KDM4C: variants seen among roughly 807,000 people sequenced by gnomAD.
The protein encoded by KDM4C is lysine-specific demethylase 4C.
Under a neutral mutation model 129.3 loss-of-function variants are expected in KDM4C, and 81 were observed. That is an observed-to-expected ratio of 0.63 (90% CI 0.52 to 0.75). The LOEUF (loss-of-function observed/expected upper bound fraction) is 0.75, where lower values mean the gene tolerates loss of function less well. Among genes scored for constraint, KDM4C ranks in the 30% least tolerant of loss-of-function variants. The probability of loss-of-function intolerance (pLI) is 0.00; values close to 1 mark genes in which losing one functional copy is unlikely to be tolerated. For missense variants in KDM4C, 1,457 were observed against 1,304.0 expected, an observed-to-expected ratio of 1.12 and a Z score of -1.81; for synonymous variants, 573 against 456.1, an observed-to-expected ratio of 1.26 and a Z score of -3.26.
rs551885236 is a variant in KDM4C at position 6,913,144 on chromosome 9, A to G, written c.921+19912A>G. Among the ~76,000 whole-genome samples, 11 of 152,356 alleles carry G rather than the reference A, an allele frequency of 7.2e-5. No individual in the cohort carries two copies. The East Asian group carries it at 1.5e-3, about 21-fold the overall frequency. ...TAGTTCTGTGTTTGCAGCTAAACAAATAAAGCACTAGTACTTATTCTGGGA... is the reference window on the plus strand; with the variant it reads ...TAGTTCTGTGTTTGCAGCTAAACAAGTAAAGCACTAGTACTTATTCTGGGA... On this transcript the variant is annotated intron_variant, in intron 8 of 21. Transcript: ENST00000381309.
intron 12 of KDM4C, among the ~76,000 whole-genome samples, chr9:7,006,391 T>C (rs1821677425): frequency 6.6e-6 from 1 of 152,120 alleles, no homozygotes; most frequent in African/African-American, 2.4e-5. Flanking sequence ...GCATCAGAGG[T>C]GATACTGATT....
At chr9:6,943,740 A>T (rs916695243) in intron 8 of KDM4C, among the ~76,000 whole-genome samples, 1 of 152,196 alleles carries the variant, frequency 6.6e-6, no homozygotes, top group Non-Finnish European at 1.5e-5. Flanking sequence ...GTCTGCTGCT[A>T]TAGAATACTT....
chr9:7,142,100 AAAAAT>A (rs2129898830), intron 19 of KDM4C, among the ~76,000 whole-genome samples: 2 of 152,346 alleles, frequency 1.3e-5, no homozygotes, highest in South Asian at 4.1e-4. Flanking sequence ...TGGCTGTTTT[AAAAAT>A]AAATAAATAA....
intron 17 of KDM4C, among the ~76,000 whole-genome samples, chr9:7,079,281 AT>A (rs1267244598): frequency 6.6e-6 from 1 of 152,226 alleles, no homozygotes; most frequent in East Asian, 1.9e-4. Flanking sequence ...GAAGTAAAGA[AT>A]AGCCCCATTA....
At chr9:6,799,239 C>A (rs978040790) in intron 2 of KDM4C, among the ~76,000 whole-genome samples, 2 of 151,992 alleles carry the variant, frequency 1.3e-5, no homozygotes, top group African/African-American at 4.8e-5. Flanking sequence ...GTTGTAGCGA[C>A]GCGAGATCAC....
At position 7,094,494 on chromosome 9, in the gene KDM4C, G is replaced by A. The variant is rs573538814; in HGVS notation, c.2425-9191G>A. 2.6e-5 allele frequency among the ~76,000 whole-genome samples: 4 copies of A among 152,226 alleles called. No homozygotes were observed. The East Asian group carries it at 5.8e-4, about 22-fold the overall frequency. On this transcript the variant is annotated intron_variant, in intron 17 of 21. Coordinates refer to ENST00000381309, the MANE Select transcript of KDM4C (RefSeq NM_015061.6). ...CCCAAATTTATCTCATCTAGAAGAC[G>A]AATCTACAAACTCACTGCTGCGTGA... is the stretch of plus-strand genomic sequence containing the variant.
chr9:6,895,394 C>A (rs765957929), intron 8 of KDM4C, among the ~76,000 whole-genome samples: 1 of 152,158 alleles, frequency 6.6e-6, no homozygotes, highest in Non-Finnish European at 1.5e-5. Context: ...TGACTGTGAA[C>A]CAGAGGCTGG....
At chr9:6,877,018 T>C (rs990489213) in intron 5 of KDM4C, among the ~76,000 whole-genome samples, 4 of 152,214 alleles carry the variant, frequency 2.6e-5, no homozygotes, top group Non-Finnish European at 4.4e-5. Flanking sequence ...TTCATTATAA[T>C]GTACTACCCT....
chr9:7,023,905 G>A (rs1176823277), intron 15 of KDM4C, among the ~76,000 whole-genome samples: 1 of 152,098 alleles, frequency 6.6e-6, no homozygotes, highest in African/African-American at 2.4e-5. Context: ...TCATTCAGGA[G>A]CATATTGTTT....
chr9:6,954,607 G>A (rs1015876621), intron 8 of KDM4C, among the ~76,000 whole-genome samples: 1 of 152,142 alleles, frequency 6.6e-6, no homozygotes, highest in African/African-American at 2.4e-5. Context: ...TAATGTGCAG[G>A]TTTCTGGAGT....
At chr9:6,840,119 C>T (rs1197674378) in intron 4 of KDM4C, among the ~76,000 whole-genome samples, 4 of 150,434 alleles carry the variant, frequency 2.7e-5, no homozygotes, top group Non-Finnish European at 5.9e-5. Flanking sequence ...GTCACCCAGG[C>T]TGGAGTGCAG....
At chr9:6,807,798 G>GGA (rs1554695168) in intron 3 of KDM4C, among the ~76,000 whole-genome samples, 7 of 145,400 alleles carry the variant, frequency 4.8e-5, no homozygotes, top group Non-Finnish European at 1.1e-4. Flanking sequence ...GGTGGGGGGG[G>GGA]GGTCAGCCCC....
intron 8 of KDM4C, among the ~76,000 whole-genome samples, chr9:6,967,166 G>A (rs1169886312): frequency 6.6e-6 from 1 of 152,170 alleles, no homozygotes; most frequent in Non-Finnish European, 1.5e-5. Context: ...GCTCACACCT[G>A]TAATCCCAGC....
intron 17 of KDM4C, among the ~76,000 whole-genome samples, chr9:7,052,898 A>AGAGAGACAGC (rs1477487723): frequency 0.017 from 814 of 47,604 alleles, 54 homozygotes; most frequent in African/African-American, 0.036. Flanking sequence ...AGAGAGAGAG[A>AGAGAGACAGC]GAGCGAGCGA....
chr9:6,741,100 T>C (rs1024434118), intron 1 of KDM4C, among the ~76,000 whole-genome samples: 7 of 151,982 alleles, frequency 4.6e-5, no homozygotes, highest in Admixed American at 1.3e-4. Flanking sequence ...CTATGAAATA[T>C]ATTTTTAAAA....
chr9:7,029,197 C>T (rs1262409019), intron 15 of KDM4C, among the ~76,000 whole-genome samples: 1 of 151,954 alleles, frequency 6.6e-6, no homozygotes, highest in Non-Finnish European at 1.5e-5. Flanking sequence ...GCATCAGTTT[C>T]TCCTGCAGGC....
chr9:6,780,593 C>G (rs953842749), intron 1 of KDM4C, among the ~76,000 whole-genome samples: 3 of 151,634 alleles, frequency 2.0e-5, no homozygotes, highest in Non-Finnish European at 2.9e-5. Context: ...ATGGCAAAAC[C>G]TTGTCTCTAC....
intron 15 of KDM4C, among the ~76,000 whole-genome samples, chr9:7,043,067 G>A (rs1442849639): frequency 6.6e-6 from 1 of 151,984 alleles, no homozygotes; most frequent in East Asian, 1.9e-4. Flanking sequence ...ATGATTTTAG[G>A]AATATCACTT....
At chr9:7,090,606 A>G (rs1055473950) in intron 17 of KDM4C, among the ~76,000 whole-genome samples, 2 of 152,212 alleles carry the variant, frequency 1.3e-5, no homozygotes, top group Non-Finnish European at 2.9e-5. Flanking sequence ...TGGTCAAATG[A>G]AGGAATGACT....
Sources: gnomAD v4.1 joint callset for allele counts (sites outside exome capture counted in the v4.1 genomes callset) on GRCh38, gnomAD v4.1.1 for gene constraint, MANE v1.5 for transcripts, NCBI Gene and HGNC (gene_info 2026-07-23, HGNC 2026-07-21) for gene names.